Variants in FARS2 observed in about 807,000 individuals in gnomAD.
FARS2 encodes phenylalanyl-tRNA synthetase 2, mitochondrial.
Under a neutral mutation model 46.4 loss-of-function variants are expected in FARS2, and 40 were observed. The observed-to-expected ratio is 0.86, with a 90% CI of 0.67 to 1.12. FARS2 has a LOEUF of 1.12. FARS2 is among the 50% of genes most tolerant of loss of function. The pLI is 0.00. For missense variants in FARS2, 513 were observed against 567.9 expected, an observed-to-expected ratio of 0.90 and a Z score of 0.98; for synonymous variants, 234 against 214.9, an observed-to-expected ratio of 1.09 and a Z score of -0.78.
chr6:5,305,500 A>G (rs1768634528), intron 1 of FARS2, among the ~76,000 whole-genome samples: 2 of 152,242 alleles, frequency 1.3e-5, no homozygotes, highest in South Asian at 4.1e-4. Flanking sequence ...AGGAAATTTC[A>G]ACTGAGAAAC....
intron 1 of FARS2, among the ~76,000 whole-genome samples, chr6:5,273,586 G>C (rs1445502092): frequency 2.6e-5 from 4 of 152,012 alleles, no homozygotes; most frequent in African/African-American, 7.2e-5. Context: ...TGGATGGTTT[G>C]CAAATACTTT....
rs1171325752 is a variant in FARS2, at chr6:5,410,149, G to GTTTTTT, written c.772+5450_772+5455dup. ...AGAAAAGTGCTTTGTTCGTTTTTGT[G>GTTTTTT]TTTTTTTGTTTTTTTTTTTTTTGAG... On this transcript the variant is annotated intron_variant, in intron 3 of 6. Transcript: ENST00000274680. Among the ~76,000 whole-genome samples, 319 of 120,416 alleles carry GTTTTTT rather than the reference G, an allele frequency of 2.6e-3. 1 individual carries two copies. Among genetic ancestry groups the GTTTTTT allele is most frequent in the African/African-American group, 4.3e-3 (122 of 28,372 alleles). The allele number at this position is 120,416 out of a possible 152,430, so 79.0% of individuals were successfully genotyped here. A position where few individuals can be genotyped will look rare whatever the true frequency, so the allele number is the denominator to read the frequency against.
intron 1 of FARS2, among the ~76,000 whole-genome samples, chr6:5,281,207 G>A (rs1394500761): frequency 1.3e-5 from 2 of 152,180 alleles, no homozygotes; most frequent in Non-Finnish European, 2.9e-5. Context: ...AGAAGAATTA[G>A]CAGATTAAGC....
chr6:5,341,202 TATATATATATATATATATATATA>T (rs1771548906), intron 1 of FARS2, among the ~76,000 whole-genome samples: 1 of 5,510 alleles, frequency 1.8e-4, no homozygotes, highest in Non-Finnish European at 5.2e-4. Flanking sequence ...TATATATATA[TATATATATATATATATATATATA>T]TATATATATA....
chr6:5,417,924 TC>T (rs1466844898), intron 3 of FARS2, among the ~76,000 whole-genome samples: 1 of 152,194 alleles, frequency 6.6e-6, no homozygotes, highest in East Asian at 1.9e-4. Context: ...GATTTTTTTT[TC>T]CTTCTATATT....
rs551288081 is a variant in FARS2, at chr6:5,282,603, C to T, written c.-22+20943C>T. The stretch of plus-strand genomic sequence containing the variant: ...GATCAGCTGGAGTGTGCGATTTAGT[C>T]CCTGGAAGAGAAAGGGGCTTGGGCC... On this transcript the variant is annotated intron_variant, in intron 1 of 6. Coordinates refer to ENST00000274680, the MANE Select transcript of FARS2 (RefSeq NM_006567.5). 2.0e-5 allele frequency among the ~76,000 whole-genome samples: 3 copies of T among 152,270 alleles called. No individual in the cohort carries two copies. The East Asian group carries it at 5.8e-4, about 29-fold the overall frequency.
intron 3 of FARS2, among the ~76,000 whole-genome samples, chr6:5,408,952 G>A (rs1562019381): frequency 6.6e-6 from 1 of 152,164 alleles, no homozygotes; most frequent in Non-Finnish European, 1.5e-5. Context: ...GATTATATAA[G>A]CTGTCCAAGG....
At chr6:5,519,485 T>C (rs1263760832) in intron 4 of FARS2, among the ~76,000 whole-genome samples, 1 of 152,062 alleles carries the variant, frequency 6.6e-6, no homozygotes, top group Non-Finnish European at 1.5e-5. Context: ...TTTTTTGTGA[T>C]AGGAGGGTTT....
chr6:5,411,499 T>C (rs1197648858), intron 3 of FARS2, among the ~76,000 whole-genome samples: 1 of 152,222 alleles, frequency 6.6e-6, no homozygotes, highest in African/African-American at 2.4e-5. Context: ...TAATTAGTGA[T>C]GAATGGGAAC....
At chr6:5,741,571 C>G (rs956919148) in intron 6 of FARS2, among the ~76,000 whole-genome samples, 1 of 152,226 alleles carries the variant, frequency 6.6e-6, no homozygotes, top group East Asian at 1.9e-4. Context: ...GTCTATAACC[C>G]CTGTGGGTAT....
At chr6:5,361,335 AT>A (rs1214826477) in intron 1 of FARS2, among the ~76,000 whole-genome samples, 1 of 151,954 alleles carries the variant, frequency 6.6e-6, no homozygotes, top group Non-Finnish European at 1.5e-5. Context: ...GTGGTGTATA[AT>A]TTTTTTTCTG....
intron 1 of FARS2, among the ~76,000 whole-genome samples, chr6:5,360,043 C>T (rs1229934906): frequency 1.3e-5 from 2 of 152,236 alleles, no homozygotes; most frequent in East Asian, 3.9e-4. Flanking sequence ...ATTAGGTACA[C>T]CAAATTCTCT....
At chr6:5,693,066 AC>A (rs1166237964) in intron 6 of FARS2, among the ~76,000 whole-genome samples, 1 of 152,170 alleles carries the variant, frequency 6.6e-6, no homozygotes, top group Non-Finnish European at 1.5e-5. Flanking sequence ...GTTTTGCAAA[AC>A]AAATATTAAC....
At position 5,343,680 on chromosome 6, in the gene FARS2, G is replaced by A. The variant is rs1418573866; in HGVS notation, c.-21-24870G>A. ...AGTTTTTATCACCTTTAACAGGAAT[G>A]TGTCGTGACTGAAAGTGGAGGATGA... On this transcript the variant is annotated intron_variant, in intron 1 of 6. Transcript: ENST00000274680. The surrounding 1 kb of genome is among the most constrained non-coding windows in gnomAD (Gnocchi z 4.5). Among the ~76,000 whole-genome samples, 1 of 152,190 alleles carries A rather than the reference G, an allele frequency of 6.6e-6. No individual in the cohort carries two copies. Among genetic ancestry groups the A allele is most frequent in the African/African-American group, 2.4e-5 (1 of 41,434 alleles).
upstream of FARS2, among the ~76,000 whole-genome samples, chr6:5,256,124 A>C (rs1388459296): frequency 6.6e-6 from 1 of 152,042 alleles, no homozygotes; most frequent in African/African-American, 2.4e-5. Context: ...ATTAGTGGCT[A>C]CGGATGCTAT....
intron 1 of FARS2, among the ~76,000 whole-genome samples, chr6:5,297,893 G>A (rs1768007487): frequency 6.6e-6 from 1 of 152,122 alleles, no homozygotes. Flanking sequence ...GGTTCCTGTG[G>A]AGTTTTTAAA....
At chr6:5,399,197 C>T (rs758818193) in intron 2 of FARS2, among the ~76,000 whole-genome samples, 5 of 146,628 alleles carry the variant, frequency 3.4e-5, no homozygotes, top group African/African-American at 5.0e-5. Context: ...ATCATCGAGA[C>T]GGAGTCTCCT....
In FARS2 at chr6:5,295,670, G is replaced by A. The variant is rs558905996; in HGVS notation, c.-22+34010G>A. Reference sequence around the variant, plus strand: ...CCAAAATTATTAACAAGCCATTTTGGAAATAAAGACAGTAGAATCGGTTGT... The same window carrying A: ...CCAAAATTATTAACAAGCCATTTTGAAAATAAAGACAGTAGAATCGGTTGT... On this transcript the variant is annotated intron_variant, in intron 1 of 6. Coordinates refer to ENST00000274680, the MANE Select transcript of FARS2 (RefSeq NM_006567.5). Among the ~76,000 whole-genome samples the A allele has an allele frequency of 2.1e-3, 316 of 152,242 alleles. 2 individuals are homozygous for A. The highest frequency in any genetic ancestry group is 7.3e-3 in the African/African-American group (305 of 41,556).
chr6:5,698,909 G>A (rs1340154388), intron 6 of FARS2, among the ~76,000 whole-genome samples: 1 of 152,202 alleles, frequency 6.6e-6, no homozygotes, highest in East Asian at 1.9e-4. Context: ...TGTTCCTGGG[G>A]CTGCTGGGCT....
Sources: allele counts gnomAD v4.1 joint callset (sites outside exome capture counted in the v4.1 genomes callset), GRCh38; gene constraint gnomAD v4.1.1; non-coding constraint Gnocchi (gnomAD v3.1); transcripts MANE v1.5; gene names NCBI Gene and HGNC (gene_info 2026-07-23, HGNC 2026-07-21).